Variants in RGS6 observed in about 807,000 individuals in gnomAD.
The protein encoded by RGS6 is regulator of G protein signaling 6.
Under a neutral mutation model 78.5 loss-of-function variants are expected in RGS6, and 30 were observed. The observed-to-expected ratio is 0.38, with a 90% confidence interval of 0.29 to 0.52. RGS6 has a LOEUF of 0.52. Ranked by LOEUF, RGS6 falls within the 20% of genes least tolerant of loss-of-function variation. The probability of loss-of-function intolerance (pLI) is 0.85; values close to 1 mark genes in which losing one functional copy is unlikely to be tolerated. For synonymous variants in RGS6, 206 were observed against 206.0 expected (o/e 1.00, Z 0.00); for missense variants, 495 against 609.7 (o/e 0.81, Z 1.98).
intron 17 of RGS6, chr14:72,550,734 C>A: frequency 9.1e-7 from 1 of 1,093,728 alleles, no homozygotes; most frequent in Non-Finnish European, 1.2e-6. Context: ...GGTTTTACAC[C>A]TGATGGAGGT....
At chr14:72,331,925 A>G (rs922312090) in intron 2 of RGS6, among the ~76,000 whole-genome samples, 1 of 152,200 alleles carries the variant, frequency 6.6e-6, no homozygotes, top group Non-Finnish European at 1.5e-5. Context: ...AATTATTCCA[A>G]TTATCTAATC....
chr14:71,907,514 T>A, the RGS6 span, among the ~76,000 whole-genome samples: 1 of 151,986 alleles, frequency 6.6e-6, no homozygotes, highest in Non-Finnish European at 1.5e-5. Flanking sequence ...GAGGCAGGGC[T>A]GGAGAGGGTC....
chr14:72,181,667 C>T (rs1410202082), intron 2 of RGS6, among the ~76,000 whole-genome samples: 1 of 152,164 alleles, frequency 6.6e-6, no homozygotes, highest in Non-Finnish European at 1.5e-5. Context: ...TTGATATTTA[C>T]TCTAAAAAGC....
At position 72,375,410 on chromosome 14, in the gene RGS6, C is replaced by T. The variant is rs74682410; in HGVS notation, c.184+23216C>T. ...AGAGGGCCAGCTGAGGAGACTTCAC[C>T]TGTGTTCCAAGCCTGAGAAACAGCA... On this transcript the variant is annotated intron_variant, in intron 3 of 17. Coordinates refer to ENST00000553525, the MANE Select transcript of RGS6 (RefSeq NM_001204424.2). Among the ~76,000 whole-genome samples, 81 of 152,258 alleles carry T rather than the reference C, an allele frequency of 5.3e-4. No homozygotes were observed. The East Asian group carries it at 0.013, about 24-fold the overall frequency.
chr14:72,591,106 G>A, the RGS6 span, among the ~76,000 whole-genome samples: 3 of 152,260 alleles, frequency 2.0e-5, no homozygotes, highest in Admixed American at 2.0e-4. Context: ...CATTGTCTGG[G>A]AGAAAGTTTT....
At chr14:72,291,069 T>A (rs114560207) in intron 2 of RGS6, among the ~76,000 whole-genome samples, 1 of 151,782 alleles carries the variant, frequency 6.6e-6, no homozygotes, top group Non-Finnish European at 1.5e-5. Context: ...ACTCTCCACA[T>A]CCCTGGGGCC....
chr14:72,097,158 TAAAA>T (rs2095425670), intron 2 of RGS6, among the ~76,000 whole-genome samples: 1 of 152,186 alleles, frequency 6.6e-6, no homozygotes, highest in African/African-American at 2.4e-5. Flanking sequence ...AACATTAACT[TAAAA>T]AATGCTTTTG....
chr14:72,498,965 G>T (rs1210918808), intron 13 of RGS6, among the ~76,000 whole-genome samples: 2 of 152,190 alleles, frequency 1.3e-5, no homozygotes, highest in Non-Finnish European at 2.9e-5. Context: ...CAGATTAAAA[G>T]ATTGGGCCCT....
chr14:72,619,347 A>T, the RGS6 span: 1 of 1,536,168 alleles, frequency 6.5e-7, no homozygotes, highest in Non-Finnish European at 8.7e-7. Flanking sequence ...AGTTCCCAGC[A>T]TAAGTGGCAG....
chr14:72,347,354 C>T (rs527927478), intron 2 of RGS6, among the ~76,000 whole-genome samples: 32 of 152,304 alleles, frequency 2.1e-4, no homozygotes, highest in African/African-American at 7.2e-4. Flanking sequence ...GAGAGCCCTG[C>T]ACAGCAAGAC....
At chr14:71,936,348 G>C (rs753444333) in intron 1 of RGS6, among the ~76,000 whole-genome samples, 2 of 151,854 alleles carry the variant, frequency 1.3e-5, no homozygotes, top group Admixed American at 6.6e-5. Context: ...CTTTATATTC[G>C]CTGGAAGCTG....
At chr14:72,136,288 CATCTT>C (rs1478282772) in intron 2 of RGS6, among the ~76,000 whole-genome samples, 2 of 151,984 alleles carry the variant, frequency 1.3e-5, no homozygotes, top group African/African-American at 4.8e-5. Flanking sequence ...TGTCCAAGGA[CATCTT>C]ATCTTTAGCA....
chr14:72,022,476 C>A (rs1304576664), intron 2 of RGS6: 1 of 152,182 alleles, frequency 6.6e-6, no homozygotes, highest in Admixed American at 6.5e-5. Flanking sequence ...CTGTAACTGA[C>A]TGAACAATCA....
At chr14:72,106,411 G>A (rs879059647) in intron 2 of RGS6, among the ~76,000 whole-genome samples, 4 of 152,116 alleles carry the variant, frequency 2.6e-5, no homozygotes, top group East Asian at 1.9e-4. Flanking sequence ...AGGCTCTTCC[G>A]AAGCTTCCCA....
intron 2 of RGS6, among the ~76,000 whole-genome samples, chr14:72,315,207 A>G (rs982578226): frequency 2.6e-5 from 4 of 152,276 alleles, no homozygotes; most frequent in African/African-American, 9.6e-5. Context: ...TGCAATTACC[A>G]CATGCAGTTA....
chr14:72,168,025 A>G (rs2096953137), intron 2 of RGS6, among the ~76,000 whole-genome samples: 1 of 152,156 alleles, frequency 6.6e-6, no homozygotes, highest in African/African-American at 2.4e-5. Context: ...ACCCTAGGGG[A>G]TCCCAGCAGT....
intron 2 of RGS6, among the ~76,000 whole-genome samples, chr14:72,186,204 C>T (rs1484136598): frequency 6.6e-6 from 1 of 152,356 alleles, no homozygotes; most frequent in African/African-American, 2.4e-5. Flanking sequence ...GATCCCATTT[C>T]TCTCTCACTA....
At chr14:72,412,026 C>A (rs1416599507) in intron 3 of RGS6, among the ~76,000 whole-genome samples, 1 of 152,028 alleles carries the variant, frequency 6.6e-6, no homozygotes, top group African/African-American at 2.4e-5. Context: ...GTCTAAAATT[C>A]TCTTTTTATG....
chr14:72,475,830 GCACACACA>G (rs1555424335), intron 10 of RGS6, among the ~76,000 whole-genome samples: 2 of 145,606 alleles, frequency 1.4e-5, no homozygotes, highest in Non-Finnish European at 3.0e-5. Flanking sequence ...AAAAATACAC[GCACACACA>G]CACACACACA....
Sources: gnomAD v4.1 joint callset for allele counts (sites outside exome capture counted in the v4.1 genomes callset) on GRCh38, gnomAD v4.1.1 for gene constraint, MANE v1.5 for transcripts, NCBI Gene and HGNC (gene_info 2026-07-23, HGNC 2026-07-21) for gene names.